NOS1AP: variants seen among roughly 807,000 people sequenced by gnomAD.
NOS1AP encodes the protein nitric oxide synthase 1 adaptor protein, also known as carboxyl-terminal PDZ ligand of neuronal nitric oxide synthase protein.
A neutral mutation model predicts 56.2 loss-of-function variants in NOS1AP; 21 were observed. That is an observed-to-expected ratio of 0.37 (90% CI 0.26 to 0.54). The LOEUF is 0.54. Ranked by LOEUF, NOS1AP falls within the 20% of genes least tolerant of loss-of-function variation. NOS1AP has a pLI of 0.84. For missense variants in NOS1AP, 522 were observed against 657.8 expected, an observed-to-expected ratio of 0.79 and a Z score of 2.26; for synonymous variants, 270 against 274.6, an observed-to-expected ratio of 0.98 and a Z score of 0.17.
rs1233498072 is a variant in NOS1AP, at chr1:162,092,910, T to C, written c.105+22628T>C. On this transcript the variant is annotated intron_variant, in intron 1 of 9. Coordinates refer to ENST00000361897, the MANE Select transcript of NOS1AP (RefSeq NM_014697.3). Reference sequence around the variant, plus strand: ...ATGGCTCCTTTAAGCGGCAAGTGTTTGGCTGCTTCTTTTATTCTCATCTTG... The same window carrying C: ...ATGGCTCCTTTAAGCGGCAAGTGTTCGGCTGCTTCTTTTATTCTCATCTTG... 2.0e-5 allele frequency among the ~76,000 whole-genome samples: 3 copies of C among 152,364 alleles called. No individual in the cohort carries two copies. In the East Asian group the frequency reaches 5.8e-4, roughly 29 times the overall value.
intron 8 of NOS1AP, chr1:162,363,754 G>T: frequency 1.0e-6 from 1 of 978,336 alleles, no homozygotes; most frequent in Non-Finnish European, 1.2e-6. Flanking sequence ...GACCAAACAT[G>T]TATTTCACTG....
intron 1 of NOS1AP, among the ~76,000 whole-genome samples, chr1:162,092,476 G>A (rs1311191389): frequency 2.6e-5 from 4 of 152,156 alleles, no homozygotes; most frequent in Non-Finnish European, 5.9e-5. Context: ...TCCAAGAAAA[G>A]TGTTTCTCTG....
intron 4 of NOS1AP, among the ~76,000 whole-genome samples, chr1:162,325,496 C>A (rs1217481103): frequency 6.6e-6 from 1 of 151,964 alleles, no homozygotes; most frequent in Non-Finnish European, 1.5e-5. Flanking sequence ...AACCCACCAC[C>A]CCTTCTGATA....
At position 162,367,213 on chromosome 1, in the gene NOS1AP, G is replaced by A. The variant is rs1477437491; in HGVS notation, c.1267G>A (p.Asp423Asn). The A allele has an allele frequency of 6.8e-6, 11 of 1,613,786 alleles. No individual in the cohort carries two copies. Among genetic ancestry groups the A allele is most frequent in the Non-Finnish European group, 9.3e-6 (11 of 1,179,988 alleles). Residue 423 changes from aspartate to asparagine, a missense_variant, in exon 10 of 10, where the codon GAC becomes AAC. Asp to Asn is a conservative substitution (Grantham distance 23). Coordinates refer to ENST00000361897, the MANE Select transcript of NOS1AP (RefSeq NM_014697.3). This position sits in a 1 kb window ranked among gnomAD's most constrained non-coding sequence, Gnocchi z 6.5. ...HPAGSPLGRR[D>N]CLVKLECFRF... ...TGCGGGCAGCCCCTTAGGTAGGCGC[G>A]ACTGCTTGGTGAAGCTGGAGTGCTT...
At chr1:162,305,473 G>T (rs896966652) in intron 4 of NOS1AP, among the ~76,000 whole-genome samples, 1 of 151,504 alleles carries the variant, frequency 6.6e-6, no homozygotes, top group African/African-American at 2.4e-5. Flanking sequence ...TTCATTAAAC[G>T]AAAGTAAATT....
At chr1:162,131,968 A>G (rs1648770930) in intron 1 of NOS1AP, among the ~76,000 whole-genome samples, 1 of 152,244 alleles carries the variant, frequency 6.6e-6, no homozygotes. Flanking sequence ...TGTCACCAGG[A>G]TCAAATGAGA....
At chr1:162,297,291 G>A (rs1013139915) in intron 3 of NOS1AP, among the ~76,000 whole-genome samples, 2 of 152,228 alleles carry the variant, frequency 1.3e-5, no homozygotes, top group Non-Finnish European at 2.9e-5. Flanking sequence ...GGAGCAGACT[G>A]TCCTGATGGT....
At chr1:162,154,806 AGGTTT>A (rs1649867582) in intron 2 of NOS1AP, among the ~76,000 whole-genome samples, 2 of 152,010 alleles carry the variant, frequency 1.3e-5, no homozygotes, top group African/African-American at 4.8e-5. Context: ...TTTAGGGAAA[AGGTTT>A]AGTAATGATC....
intron 2 of NOS1AP, among the ~76,000 whole-genome samples, chr1:162,159,186 C>T (rs1650094405): frequency 6.6e-6 from 1 of 152,116 alleles, no homozygotes; most frequent in African/African-American, 2.4e-5. Flanking sequence ...TGTCGTTTAA[C>T]TTTTTAGCTT....
chr1:162,368,893 G>C lies in NOS1AP; in HGVS notation c.*1426G>C, dbSNP rs1647269441. 6.6e-6 allele frequency: 1 copy of C among 152,234 alleles called. No homozygotes were observed. The highest frequency in any genetic ancestry group is 2.4e-5 in the African/African-American group (1 of 41,456). The allele number at this position is 152,234 out of a possible 1,614,324, so 9.4% of individuals were successfully genotyped here. ...AAGGATATGATTATCCCAAAATGGA[G>C]TTCATCGACCCTAGCTTTCCTTTAG... On this transcript the variant is annotated 3_prime_UTR_variant, in exon 10 of 10. Transcript: ENST00000361897.
intron 2 of NOS1AP, among the ~76,000 whole-genome samples, chr1:162,274,236 G>C (rs6427667): frequency 0.19 from 29,580 of 152,098 alleles, 3,018 homozygotes; most frequent in East Asian, 0.3. Context: ...TGTTGTGCTG[G>C]ACCCTGTTGA....
intron 2 of NOS1AP, among the ~76,000 whole-genome samples, chr1:162,244,475 G>A (rs1653592509): frequency 6.6e-6 from 1 of 152,100 alleles, no homozygotes; most frequent in South Asian, 2.1e-4. Context: ...GATAATTTAG[G>A]TTAGCTTCTG....
chr1:162,136,702 C>T (rs1328313997), intron 1 of NOS1AP, among the ~76,000 whole-genome samples: 1 of 152,034 alleles, frequency 6.6e-6, no homozygotes, highest in Admixed American at 6.5e-5. Flanking sequence ...AGGTGATTTG[C>T]CAAAGTTTAG....
intron 2 of NOS1AP, among the ~76,000 whole-genome samples, chr1:162,195,684 T>C (rs968113147): frequency 6.6e-6 from 1 of 152,240 alleles, no homozygotes; most frequent in Non-Finnish European, 1.5e-5. Context: ...TGTCTTGAAA[T>C]GACTTTCATC....
chr1:162,299,794 G>A (rs575451521), intron 3 of NOS1AP, among the ~76,000 whole-genome samples: 79 of 152,088 alleles, frequency 5.2e-4, no homozygotes, highest in African/African-American at 1.7e-3. Flanking sequence ...GCGCACATAC[G>A]TAGTATGGTA....
At chr1:162,357,269 C>A in intron 8 of NOS1AP, 133 bp downstream of exon 8, 1 of 1,466,462 alleles carries the variant, frequency 6.8e-7, no homozygotes, top group African/African-American at 1.4e-5. Flanking sequence ...TGGATCATTG[C>A]TTGTTGGGGA....
chr1:162,364,466 G>A, intron 8 of NOS1AP: 1 of 985,434 alleles, frequency 1.0e-6, no homozygotes. Flanking sequence ...CAGGGTCCTG[G>A]TCTGGTTGCC....
chr1:162,345,564 C>T (rs1234994434), intron 6 of NOS1AP, among the ~76,000 whole-genome samples: 1 of 152,072 alleles, frequency 6.6e-6, no homozygotes, highest in African/African-American at 2.4e-5. Context: ...TAACAGATGA[C>T]AAATCATGAA....
At chr1:162,278,453 G>A (rs759733851) in intron 2 of NOS1AP, among the ~76,000 whole-genome samples, 5 of 152,168 alleles carry the variant, frequency 3.3e-5, no homozygotes, top group Non-Finnish European at 7.3e-5. Flanking sequence ...ACTTCACAAG[G>A]TAAGTGTGGG....
Sources: allele counts gnomAD v4.1 joint callset (sites outside exome capture counted in the v4.1 genomes callset), GRCh38; gene constraint gnomAD v4.1.1; non-coding constraint Gnocchi (gnomAD v3.1); transcripts MANE v1.5; gene names NCBI Gene and HGNC (gene_info 2026-07-23, HGNC 2026-07-21).